The following RIC1 variants were observed in gnomAD, a reference collection of about 807,000 sequenced individuals.
RIC1 encodes guanine nucleotide exchange factor subunit RIC1.
Under a neutral mutation model 169.0 loss-of-function variants are expected in RIC1, and 88 were observed. That is an observed-to-expected ratio of 0.52 (90% CI 0.44 to 0.62). The LOEUF (loss-of-function observed/expected upper bound fraction) is 0.62, where lower values mean the gene tolerates loss of function less well. Ranked by LOEUF, RIC1 falls within the 20% of genes least tolerant of loss-of-function variation. The pLI is 0.00. For synonymous variants in RIC1, 790 were observed against 601.5 expected, an observed-to-expected ratio of 1.31 and a Z score of -4.59; for missense variants, 1,877 against 1,725.5, an observed-to-expected ratio of 1.09 and a Z score of -1.56.
At chr9:5,634,376 C>A (rs564974680) in intron 1 of RIC1, among the ~76,000 whole-genome samples, 2 of 152,188 alleles carry the variant, frequency 1.3e-5, no homozygotes, top group South Asian at 2.1e-4. Context: ...CTTTTCTCCA[C>A]GTCTTTGCCG....
chr9:5,734,101 ATTTAT>A (rs1262973416), intron 7 of RIC1, among the ~76,000 whole-genome samples: 1 of 146,592 alleles, frequency 6.8e-6, no homozygotes, highest in South Asian at 2.1e-4. Flanking sequence ...ATATATATAT[ATTTAT>A]TTTATTTTAT....
chr9:5,680,658 G>A (rs904888005), intron 2 of RIC1, among the ~76,000 whole-genome samples: 4 of 152,040 alleles, frequency 2.6e-5, no homozygotes, highest in Non-Finnish European at 5.9e-5. Context: ...GGTATTCTCT[G>A]ATGGTAGTTT....
intron 1 of RIC1, among the ~76,000 whole-genome samples, chr9:5,636,193 A>C (rs1233359422): frequency 6.6e-6 from 1 of 152,236 alleles, no homozygotes; most frequent in Non-Finnish European, 1.5e-5. Context: ...TGAACATAAG[A>C]TATCCAGCCA....
At chr9:5,658,403 G>C (rs1001359768) in intron 2 of RIC1, among the ~76,000 whole-genome samples, 2 of 152,008 alleles carry the variant, frequency 1.3e-5, no homozygotes, top group Non-Finnish European at 2.9e-5. Flanking sequence ...AATAAAATAT[G>C]AAAATGAAAG....
At chr9:5,746,258 C>T (rs768348318) in intron 11 of RIC1, among the ~76,000 whole-genome samples, 175 bp downstream of exon 11, 28 of 151,944 alleles carry the variant, frequency 1.8e-4, no homozygotes, top group African/African-American at 6.0e-4. Flanking sequence ...TATTTCTCAA[C>T]GGGTTGTGTT....
intron 3 of RIC1, among the ~76,000 whole-genome samples, chr9:5,706,521 A>G (rs1173798091): frequency 1.3e-5 from 2 of 152,124 alleles, no homozygotes; most frequent in Non-Finnish European, 2.9e-5. Context: ...CTTGAGAAGG[A>G]TGAATGTTCA....
chr9:5,631,640 T>A (rs1586849878), intron 1 of RIC1, among the ~76,000 whole-genome samples: 1 of 131,980 alleles, frequency 7.6e-6, no homozygotes, highest in African/African-American at 3.0e-5. Context: ...TGAGCCAAGA[T>A]CCCACCACTG....
chr9:5,683,558 TG>T (rs1820995687), intron 2 of RIC1, among the ~76,000 whole-genome samples: 2 of 152,170 alleles, frequency 1.3e-5, no homozygotes, highest in African/African-American at 4.8e-5. Flanking sequence ...CTGTCCCTAC[TG>T]GGGGGTGCCC....
At chr9:5,748,067 C>G (rs982887099) in intron 12 of RIC1, among the ~76,000 whole-genome samples, 3 of 152,158 alleles carry the variant, frequency 2.0e-5, no homozygotes, top group African/African-American at 4.8e-5. Flanking sequence ...CACAGTAATT[C>G]TGATAAACTG....
At chr9:5,643,400 A>C (rs142532193) in intron 1 of RIC1, among the ~76,000 whole-genome samples, 2,074 of 152,254 alleles carry the variant, frequency 0.014, 55 homozygotes, top group African/African-American at 0.047. Context: ...TATACTATTT[A>C]AATTTTGATG....
intron 11 of RIC1, 68 bp downstream of exon 11, chr9:5,746,151 CAT>C (rs1427562822): frequency 8.0e-7 from 1 of 1,243,448 alleles, no homozygotes; most frequent in African/African-American, 1.5e-5. Flanking sequence ...TTCTTTATGA[CAT>C]ATGTATGGCG....
At position 5,774,026 on chromosome 9, in the gene RIC1, A is replaced by G; in HGVS notation, c.4052A>G (p.Glu1351Gly). 1.2e-6 allele frequency: 2 copies of G among 1,614,062 alleles called. No individual in the cohort carries two copies. The highest frequency in any genetic ancestry group is 1.7e-6 in the Non-Finnish European group (2 of 1,179,964). ...CAGAAGCTCAGTGAGATAACAGAAGAGCAGGTCCAGCCAGATGCCTTCCAA... is the reference window on the plus strand; with the variant it reads ...CAGAAGCTCAGTGAGATAACAGAAGGGCAGGTCCAGCCAGATGCCTTCCAA... The part of the protein sequence containing the change: ...QLQKLSEITE[E>G]QVQPDAFQPI... Residue 1351 changes from glutamate (E) to glycine (G), a missense_variant, in exon 26 of 26, where the codon GAG (glutamate) becomes GGG (glycine). Glu to Gly is a moderately conservative substitution (Grantham distance 98, BLOSUM62 -2). Coordinates refer to ENST00000414202, the MANE Select transcript of RIC1 (RefSeq NM_020829.4).
chr9:5,647,568 G>A (rs574425684), intron 1 of RIC1, among the ~76,000 whole-genome samples: 5 of 151,928 alleles, frequency 3.3e-5, no homozygotes, highest in African/African-American at 1.2e-4. Flanking sequence ...TTGATGTTAC[G>A]GTTTGCTGAT....
chr9:5,769,135 C>A lies in RIC1; in HGVS notation c.3303C>A (p.Ala1101=). The part of the protein sequence containing the change: ...ISWLCKERTR[A]ARVDNFVIAL... Reference sequence around the variant, plus strand: ...GGCTATGCAAGGAACGTACCCGAGCCGCCCGGGTAGACAACTTTGTAATAG... The same window carrying A: ...GGCTATGCAAGGAACGTACCCGAGCAGCCCGGGTAGACAACTTTGTAATAG... The change falls in exon 22 of 26, where the codon GCC becomes GCA. Residue 1101 remains alanine (A), a synonymous_variant. Transcript: ENST00000414202. The A allele has an allele frequency of 6.2e-7, 1 of 1,614,088 alleles. No individual in the cohort carries two copies.
chr9:5,668,261 A>G (rs1439494951), intron 2 of RIC1, among the ~76,000 whole-genome samples: 2 of 152,196 alleles, frequency 1.3e-5, no homozygotes, highest in Admixed American at 1.3e-4. Flanking sequence ...GGGAACTACA[A>G]TTCAAGATGA....
chr9:5,652,248 A>G (rs181332011), intron 1 of RIC1, among the ~76,000 whole-genome samples: 2 of 152,302 alleles, frequency 1.3e-5, no homozygotes, highest in Admixed American at 6.5e-5. Context: ...GCTGTGAGGC[A>G]TATCATTGGT....
chr9:5,636,520 A>C (rs78332019), intron 1 of RIC1, among the ~76,000 whole-genome samples: 3 of 152,000 alleles, frequency 2.0e-5, no homozygotes, highest in Non-Finnish European at 4.4e-5. Flanking sequence ...GGGTTTCACC[A>C]TGTTGGCCAG....
intron 1 of RIC1, among the ~76,000 whole-genome samples, chr9:5,643,456 C>A (rs1818348408): frequency 1.3e-5 from 2 of 151,980 alleles, no homozygotes; most frequent in South Asian, 4.2e-4. Context: ...TGCAGTGAGC[C>A]ATGATTGCAC....
chr9:5,746,568 A>G (rs542108436), intron 11 of RIC1, among the ~76,000 whole-genome samples: 1 of 152,272 alleles, frequency 6.6e-6, no homozygotes, highest in East Asian at 1.9e-4. Context: ...TATATTAAAA[A>G]CAGTGTTCCC....
Sources: allele counts gnomAD v4.1 joint callset (sites outside exome capture counted in the v4.1 genomes callset), GRCh38; gene constraint gnomAD v4.1.1; transcripts MANE v1.5; gene names NCBI Gene and HGNC (gene_info 2026-07-23, HGNC 2026-07-21).